Variants in SMAP1 observed in about 807,000 individuals in gnomAD.
SMAP1 encodes small ArfGAP 1, also known as stromal membrane-associated protein 1.
SMAP1 carries 24 observed loss-of-function variants against 58.5 expected under a neutral mutation model. The ratio of observed to expected loss-of-function variants is 0.41; its 90% CI spans 0.30 to 0.58. The LOEUF is 0.58. Ranked by LOEUF, SMAP1 falls within the 20% of genes least tolerant of loss-of-function variation. SMAP1 has a pLI of 0.29. For missense variants in SMAP1, 563 were observed against 566.3 expected (o/e 0.99, Z 0.06); for synonymous variants, 216 against 196.6 (o/e 1.10, Z -0.82).
At chr6:70,849,215 C>G (rs1771098059) in intron 7 of SMAP1, among the ~76,000 whole-genome samples, 1 of 152,138 alleles carries the variant, frequency 6.6e-6, no homozygotes, top group Admixed American at 6.6e-5. Context: ...CAATTGAAAA[C>G]AGTGTCAGCC....
At chr6:70,787,974 C>G (rs1450805537) in intron 4 of SMAP1, among the ~76,000 whole-genome samples, 1 of 152,206 alleles carries the variant, frequency 6.6e-6, no homozygotes. Flanking sequence ...GACTATAAAT[C>G]GTGCTACTAT....
intron 1 of SMAP1, among the ~76,000 whole-genome samples, chr6:70,713,454 CTTTTTG>C (rs1348896429): frequency 1.3e-5 from 2 of 151,684 alleles, no homozygotes; most frequent in African/African-American, 4.8e-5. Flanking sequence ...GGTTTGTTCT[CTTTTTG>C]TTTTTGTTTA....
rs767393481 is a variant in SMAP1, at chr6:70,861,985, G to GAA, written c.*1655_*1656dup. ...TGAAGACTTACAGCAAATCCTTTGTGAAAAATAAAAAAAAAAAAGAGACTT... is the reference window on the plus strand; with the variant it reads ...TGAAGACTTACAGCAAATCCTTTGTGAAAAAAATAAAAAAAAAAAAGAGACTT... On this transcript the variant is annotated 3_prime_UTR_variant, in exon 11 of 11. Coordinates refer to ENST00000370455, the MANE Select transcript of SMAP1 (RefSeq NM_001044305.3). 1 of 1,545,868 alleles carries GAA rather than the reference G, an allele frequency of 6.5e-7. No individual in the cohort carries two copies. Among genetic ancestry groups the GAA allele is most frequent in the Non-Finnish European group, 8.7e-7 (1 of 1,149,492 alleles).
chr6:70,836,508 AT>A (rs1189844678), intron 6 of SMAP1, among the ~76,000 whole-genome samples: 3 of 152,204 alleles, frequency 2.0e-5, no homozygotes, highest in Non-Finnish European at 4.4e-5. Context: ...ATAATATGAA[AT>A]GCATTTCTTC....
intron 4 of SMAP1, among the ~76,000 whole-genome samples, chr6:70,788,022 T>G (rs907082153): frequency 1.3e-5 from 2 of 152,088 alleles, no homozygotes; most frequent in African/African-American, 4.8e-5. Flanking sequence ...GTGGCACTAT[T>G]CACATTAACA....
intron 1 of SMAP1, among the ~76,000 whole-genome samples, chr6:70,728,506 T>A (rs1289249232): frequency 6.6e-6 from 1 of 152,244 alleles, no homozygotes; most frequent in African/African-American, 2.4e-5. Flanking sequence ...AGTATTTGAC[T>A]GAGTCATCAG....
intron 1 of SMAP1, among the ~76,000 whole-genome samples, chr6:70,691,242 TAATC>T (rs1380367839): frequency 6.6e-6 from 1 of 152,232 alleles, no homozygotes; most frequent in African/African-American, 2.4e-5. Flanking sequence ...GTTTTTCAAA[TAATC>T]AGTCTTTATT....
At chr6:70,713,199 T>A (rs1385261475) in intron 1 of SMAP1, among the ~76,000 whole-genome samples, 2 of 152,170 alleles carry the variant, frequency 1.3e-5, no homozygotes, top group Non-Finnish European at 2.9e-5. Context: ...GTTTGTCAGT[T>A]TTATTTTCTC....
chr6:70,699,422 T>C (rs1767537543), intron 1 of SMAP1, among the ~76,000 whole-genome samples: 1 of 152,092 alleles, frequency 6.6e-6, no homozygotes, highest in Non-Finnish European at 1.5e-5. Flanking sequence ...TGATGTTCTC[T>C]CAAGGCCCAA....
intron 2 of SMAP1, among the ~76,000 whole-genome samples, chr6:70,753,773 C>T (rs1000276957): frequency 2.0e-5 from 3 of 151,890 alleles, no homozygotes; most frequent in Admixed American, 6.6e-5. Context: ...TGGTAAAGCC[C>T]GCCCCTTTAA....
At chr6:70,674,662 T>TA (rs774555408) in intron 1 of SMAP1, among the ~76,000 whole-genome samples, 1 of 152,244 alleles carries the variant, frequency 6.6e-6, no homozygotes, top group Non-Finnish European at 1.5e-5. Context: ...CTACGTTAGA[T>TA]ACTACTGTGT....
At chr6:70,775,770 A>T (rs1267728978) in intron 4 of SMAP1, among the ~76,000 whole-genome samples, 1 of 152,220 alleles carries the variant, frequency 6.6e-6, no homozygotes, top group Non-Finnish European at 1.5e-5. Context: ...AAAAATGCAG[A>T]AAGATTTACA....
intron 6 of SMAP1, among the ~76,000 whole-genome samples, chr6:70,824,102 GTC>G (rs1036544096): frequency 2.0e-5 from 3 of 152,084 alleles, no homozygotes; most frequent in Admixed American, 6.6e-5. Flanking sequence ...CTGCCTGCCT[GTC>G]TCTCTTGTTT....
Position 70,858,199 on chromosome 6 carries a change from A to C in SMAP1, c.1239A>C (p.Gln413His), listed in dbSNP as rs775075126. The part of the protein sequence containing the change: ...GAPQSKFGLP[Q>H]AQQPQWSLSQ... ...CCCAGAGTAAGTTTGGCCTGCCGCA[A>C]GCTCAGCAGCCCCAGTGGAGCCTCT... The change falls in exon 10 of 11, where the codon CAA becomes CAC. Residue 413 changes from glutamine (Q) to histidine (H), a missense_variant. By Grantham distance (24) the Gln-to-His change is conservative. This residue lies in a region of SMAP1 where 494 missense variants were observed against 473.8 expected (regional missense o/e 1.04). Transcript: ENST00000370455. The C allele has an allele frequency of 6.2e-7, 1 of 1,613,434 alleles. No homozygotes were observed. Among genetic ancestry groups the C allele is most frequent in the African/African-American group, 1.3e-5 (1 of 74,916 alleles).
intron 1 of SMAP1, among the ~76,000 whole-genome samples, chr6:70,671,532 C>T (rs1041468179): frequency 6.6e-6 from 1 of 152,104 alleles, no homozygotes; most frequent in East Asian, 1.9e-4. Context: ...GAGCCGAGAT[C>T]GCGCCACTGT....
chr6:70,835,725 T>C (rs566297892), intron 6 of SMAP1, among the ~76,000 whole-genome samples: 1 of 152,262 alleles, frequency 6.6e-6, no homozygotes, highest in South Asian at 2.1e-4. Flanking sequence ...CAGGCTGGTC[T>C]CAAACTCCTG....
chr6:70,839,895 A>G (rs1770736618), intron 7 of SMAP1, among the ~76,000 whole-genome samples: 1 of 152,210 alleles, frequency 6.6e-6, no homozygotes, highest in Non-Finnish European at 1.5e-5. Flanking sequence ...CAGAGAATCA[A>G]AGGTCTCTTT....
chr6:70,785,543 A>G (rs1183578396), intron 4 of SMAP1, among the ~76,000 whole-genome samples: 1 of 152,244 alleles, frequency 6.6e-6, no homozygotes, highest in East Asian at 1.9e-4. Flanking sequence ...AACAAAATTG[A>G]TAGACCGCTA....
At chr6:70,739,242 T>A (rs1418172667) in intron 2 of SMAP1, among the ~76,000 whole-genome samples, 1 of 152,186 alleles carries the variant, frequency 6.6e-6, no homozygotes, top group Non-Finnish European at 1.5e-5. Context: ...TTCATGACAC[T>A]ATTTTTTAAG....
Sources: allele counts gnomAD v4.1 joint callset (sites outside exome capture counted in the v4.1 genomes callset), GRCh38; gene constraint gnomAD v4.1.1; regional missense constraint gnomAD v4.1.1; transcripts MANE v1.5; gene names NCBI Gene and HGNC (gene_info 2026-07-23, HGNC 2026-07-21).